The following SMAD6 variants were observed in gnomAD, a reference collection of about 807,000 sequenced individuals.
The protein encoded by SMAD6 is MAD homolog 6.
SMAD6 carries 103 observed loss-of-function variants against 39.4 expected under a neutral mutation model. The ratio of observed to expected loss-of-function variants is 2.62; its 90% CI spans 2.23 to 3.08. The LOEUF (loss-of-function observed/expected upper bound fraction) is 3.08. SMAD6 is among the 30% of genes most tolerant of loss of function. SMAD6 has a pLI of 0.00. For missense variants in SMAD6, 1,104 were observed against 742.9 expected, an observed-to-expected ratio of 1.49 and a Z score of -5.65; for synonymous variants, 445 against 353.3, an observed-to-expected ratio of 1.26 and a Z score of -2.91.
intron 3 of SMAD6, among the ~76,000 whole-genome samples, chr15:66,769,173 G>A (rs1350675043): frequency 6.6e-6 from 1 of 152,208 alleles, no homozygotes; most frequent in Non-Finnish European, 1.5e-5. Flanking sequence ...TAATCACCTA[G>A]AGGAAACCAG....
chr15:66,762,487 C>T (rs906339894), intron 3 of SMAD6, among the ~76,000 whole-genome samples: 2 of 152,142 alleles, frequency 1.3e-5, no homozygotes, highest in Non-Finnish European at 2.9e-5. Context: ...CTGGGTGGAG[C>T]TCCCTGTGTT....
At chr15:66,759,336 AAGAG>A (rs5813403) in intron 3 of SMAD6, among the ~76,000 whole-genome samples, 247 of 149,866 alleles carry the variant, frequency 1.6e-3, no homozygotes, top group African/African-American at 3.8e-3. Context: ...GACAGAGAGG[AAGAG>A]AGAGAGAGAG....
intron 1 of SMAD6, 121 bp from the exon 2 acceptor site, chr15:66,711,547 C>G (rs994056399): frequency 1.3e-6 from 1 of 795,630 alleles, no homozygotes; most frequent in African/African-American, 1.7e-5. Context: ...GGAGGTGGGA[C>G]AAAGGGAGGG....
intron 3 of SMAD6, among the ~76,000 whole-genome samples, chr15:66,767,172 G>A (rs971186612): frequency 6.6e-6 from 1 of 152,210 alleles, no homozygotes; most frequent in Non-Finnish European, 1.5e-5. Flanking sequence ...CCAAACCTCT[G>A]TGAGCTTTAT....
intron 3 of SMAD6, among the ~76,000 whole-genome samples, chr15:66,728,362 CTTT>C (rs1295115319): frequency 6.6e-6 from 1 of 151,968 alleles, no homozygotes; most frequent in Non-Finnish European, 1.5e-5. Flanking sequence ...AATATAGCTT[CTTT>C]AACTCAACAG....
At position 66,717,055 on chromosome 15, in the gene SMAD6, C is replaced by T. The variant is rs376809754; in HGVS notation, c.952+557C>T. 1.5e-5 allele frequency: 19 copies of T among 1,289,250 alleles called. No homozygotes were observed. The East Asian group carries it at 5.0e-4, about 34-fold the overall frequency. The allele number at this position is 1,289,250 out of a possible 1,614,324, so 79.9% of individuals were successfully genotyped here. A position where few individuals can be genotyped will look rare whatever the true frequency, so the allele number is the denominator to read the frequency against. On this transcript the variant is annotated intron_variant, in intron 3 of 3. Transcript: ENST00000288840. ...GCCGAGGGAACCGTGGTTTGGAGTC[C>T]TCTGTCCCCTGCAGTTAGAAGCTGG...
intron 1 of SMAD6, chr15:66,705,557 TC>T (rs1305359770): frequency 1.3e-5 from 2 of 151,948 alleles, no homozygotes; most frequent in Non-Finnish European, 2.9e-5. Context: ...GTTGTCTTGT[TC>T]CTGGTGATTT....
At chr15:66,717,036 G>A in intron 3 of SMAD6, 2 of 1,289,448 alleles carry the variant, frequency 1.6e-6, no homozygotes, top group East Asian at 5.5e-5. Flanking sequence ...GGAAGCCGAG[G>A]GAACCGTGGT....
chr15:66,739,761 C>T (rs982874229), intron 3 of SMAD6, among the ~76,000 whole-genome samples: 4 of 152,124 alleles, frequency 2.6e-5, no homozygotes, highest in Non-Finnish European at 4.4e-5. Flanking sequence ...CCAGAGATAA[C>T]CACTGTTAAC....
At chr15:66,753,766 A>G (rs1894050305) in intron 3 of SMAD6, among the ~76,000 whole-genome samples, 1 of 152,096 alleles carries the variant, frequency 6.6e-6, no homozygotes, top group Non-Finnish European at 1.5e-5. Context: ...TTCTTGCCGG[A>G]CTTCATCACT....
At chr15:66,729,635 A>C (rs952254470) in intron 3 of SMAD6, among the ~76,000 whole-genome samples, 1 of 152,182 alleles carries the variant, frequency 6.6e-6, no homozygotes, top group Non-Finnish European at 1.5e-5. Flanking sequence ...GTGGACTCCC[A>C]GGCCCTTCTG....
chr15:66,761,915 A>C (rs1894206998), intron 3 of SMAD6, among the ~76,000 whole-genome samples: 2 of 152,106 alleles, frequency 1.3e-5, no homozygotes, highest in South Asian at 4.2e-4. Flanking sequence ...CACATGGCCC[A>C]CTGGGGTGGT....
chr15:66,704,114 C>G (rs1454778085), intron 1 of SMAD6, 39 bp downstream of exon 1: 2 of 1,361,434 alleles, frequency 1.5e-6, no homozygotes, highest in South Asian at 1.6e-5. Flanking sequence ...CCCGGGTCCC[C>G]GTCCCCATCC....
chr15:66,713,064 G>A (rs1893262395), intron 2 of SMAD6, among the ~76,000 whole-genome samples: 1 of 152,184 alleles, frequency 6.6e-6, no homozygotes, highest in Admixed American at 6.5e-5. Context: ...TGGGGTTTCA[G>A]AGCATGGGTT....
At chr15:66,713,652 G>T (rs1047124517) in intron 2 of SMAD6, among the ~76,000 whole-genome samples, 3 of 152,276 alleles carry the variant, frequency 2.0e-5, no homozygotes, top group Non-Finnish European at 4.4e-5. Flanking sequence ...AGACACTCAG[G>T]CATATCCACC....
chr15:66,723,777 A>G (rs1893475752), intron 3 of SMAD6, among the ~76,000 whole-genome samples: 1 of 152,254 alleles, frequency 6.6e-6, no homozygotes, highest in African/African-American at 2.4e-5. Context: ...TAGAAAATGG[A>G]GAAAGACTGG....
chr15:66,771,746 A>G (rs1390613240), intron 3 of SMAD6, among the ~76,000 whole-genome samples: 2 of 152,224 alleles, frequency 1.3e-5, no homozygotes, highest in East Asian at 1.9e-4. Context: ...AAAAAGGATC[A>G]TGAATGAAGC....
In SMAD6 at chr15:66,711,573, G is replaced by T. The variant is rs548010292; in HGVS notation, c.818-95G>T. ...AAAGGGAGGGCTTCCTGGAGGCTGA[G>T]TTTATTATTTGGGAAACCAGTAATT... On this transcript the variant is annotated intron_variant, in intron 1 of 3. Transcript: ENST00000288840. The T allele has an allele frequency of 1.2e-4, 120 of 981,182 alleles. No homozygotes were observed. The African/African-American group carries it at 1.8e-3, about 15-fold the overall frequency. The allele number at this position is 981,182 out of a possible 1,614,324, so 60.8% of individuals were successfully genotyped here.
At chr15:66,757,737 G>T (rs768607306) in intron 3 of SMAD6, among the ~76,000 whole-genome samples, 3 of 152,246 alleles carry the variant, frequency 2.0e-5, no homozygotes, top group African/African-American at 7.2e-5. Context: ...GGCCAGGGCT[G>T]CCCTGAGCGC....
Sources: allele counts gnomAD v4.1 joint callset (sites outside exome capture counted in the v4.1 genomes callset), GRCh38; gene constraint gnomAD v4.1.1; transcripts MANE v1.5; gene names NCBI Gene and HGNC (gene_info 2026-07-23, HGNC 2026-07-21).